AMIGO1: variants seen among roughly 807,000 people sequenced by gnomAD.
AMIGO1 encodes adhesion molecule with Ig like domain 1.
For synonymous variants in AMIGO1, 249 were observed against 266.3 expected (o/e 0.93, Z 0.63); for missense variants, 361 against 612.3 (o/e 0.59, Z 4.33).
chr1:109,508,948 A>G lies in AMIGO1; in HGVS notation c.-36T>C. 6.7e-7 allele frequency: 1 copy of G among 1,487,088 alleles called. No individual in the cohort carries two copies. The highest frequency in any genetic ancestry group is 8.9e-7 in the Non-Finnish European group (1 of 1,117,824). 92.1% of individuals were successfully genotyped at this position (1,487,088 alleles called of 1,614,324 possible). A position where few individuals can be genotyped will look rare whatever the true frequency, so the allele number is the denominator to read the frequency against. On this transcript the variant is annotated 5_prime_UTR_variant, in exon 2 of 2. Transcript: ENST00000369864. This position sits in a 1 kb window ranked among gnomAD's most constrained non-coding sequence, Gnocchi z 7.8. The stretch of plus-strand genomic sequence containing the variant: ...GAGTGGGCGAGGAAGGCCACAAGGA[A>G]GATCTGGGAGGAGGTCACCCGGGCA...
Position 109,507,924 on chromosome 1 carries a change from T to C in AMIGO1, c.989A>G (p.Gln330Arg), listed in dbSNP as rs1220781938. Reference sequence around the variant, plus strand: ...CACACCACCGTCCTCGACCTGCACCTGCTGGAAAAGAAGACTGCCATCCTT... The same window carrying C: ...CACACCACCGTCCTCGACCTGCACCCGCTGGAAAAGAAGACTGCCATCCTT... ...VSKDGSLLFQ[Q>R]VQVEDGGVYT... Residue 330 changes from glutamine to arginine, a missense_variant, in exon 2 of 2, where the codon CAG (glutamine) becomes CGG (arginine). Physicochemically the swap from Gln to Arg is conservative, Grantham distance 43. Coordinates refer to ENST00000369864, the MANE Select transcript of AMIGO1 (RefSeq NM_020703.4). The surrounding 1 kb of genome is among the most constrained non-coding windows in gnomAD (Gnocchi z 4.7). 2 of 1,614,196 alleles carry C rather than the reference T, an allele frequency of 1.2e-6. No homozygotes were observed. Among genetic ancestry groups the C allele is most frequent in the Non-Finnish European group, 8.5e-7 (1 of 1,180,026 alleles).
rs763051198 is a variant in AMIGO1 at position 109,508,093 on chromosome 1, T to G, written c.820A>C (p.Lys274Gln). The G allele has an allele frequency of 6.2e-7, 1 of 1,614,198 alleles. No homozygotes were observed. The highest frequency in any genetic ancestry group is 2.2e-5 in the East Asian group (1 of 44,878). ...NLSFLNCGEY[K>Q]ERAWEAHLGD... is the part of the protein sequence containing the mutation. The stretch of plus-strand genomic sequence containing the variant: ...AGGTGGGCCTCCCAGGCACGCTCCT[T>G]GTACTCGCCACAGTTGAGGAAACTC... Residue 274 changes from lysine (K) to glutamine (Q), a missense_variant, in exon 2 of 2, where the codon AAG (lysine) becomes CAG (glutamine). By Grantham distance (53) the Lys-to-Gln change is moderately conservative (BLOSUM62 1). Coordinates refer to ENST00000369864, the MANE Select transcript of AMIGO1 (RefSeq NM_020703.4). This position sits in a 1 kb window ranked among gnomAD's most constrained non-coding sequence, Gnocchi z 7.8.
At position 109,508,793 on chromosome 1, in the gene AMIGO1, G is replaced by A. The variant is rs147744049; in HGVS notation, c.120C>T (p.Cys40=). Residue 40 remains cysteine, a synonymous_variant, in exon 2 of 2, where the codon TGC becomes TGT. Transcript: ENST00000369864. The surrounding 1 kb of genome is among the most constrained non-coding windows in gnomAD (Gnocchi z 7.8). ...TGGAGCAGCTGAGGATGTTGCTGGC[G>A]CACAAGCAGGCGGCAGGACAGCTAA... ...AVVSCPAACL[C]ASNILSCSKQ... The A allele has an allele frequency of 1.7e-4, 273 of 1,613,990 alleles. No individual in the cohort carries two copies. The African/African-American group carries it at 3.3e-3, about 19-fold the overall frequency.
In AMIGO1 at chr1:109,507,315, T is replaced by C. The variant is rs1285862921; in HGVS notation, c.*116A>G. 1 of 1,419,478 alleles carries C rather than the reference T, an allele frequency of 7.0e-7. No individual in the cohort carries two copies. The highest frequency in any genetic ancestry group is 1.4e-5 in the African/African-American group (1 of 69,486). The allele number at this position is 1,419,478 out of a possible 1,614,324, so 87.9% of individuals were successfully genotyped here. On this transcript the variant is annotated 3_prime_UTR_variant, in exon 2 of 2. Coordinates refer to ENST00000369864, the MANE Select transcript of AMIGO1 (RefSeq NM_020703.4). This position sits in a 1 kb window ranked among gnomAD's most constrained non-coding sequence, Gnocchi z 4.7. ...TCTGTTGTACCTGGGACCAATTCCC[T>C]TGAGGTCAGGAGGAATCCATTCCCT...
Position 109,506,971 on chromosome 1 carries a change from C to G in AMIGO1, c.*460G>C, listed in dbSNP as rs950449110. 1 of 157,984 alleles carries G rather than the reference C, an allele frequency of 6.3e-6. No homozygotes were observed. Among genetic ancestry groups the G allele is most frequent in the African/African-American group, 2.4e-5 (1 of 41,518 alleles). 9.8% of individuals were successfully genotyped at this position (157,984 alleles called of 1,614,324 possible). On this transcript the variant is annotated 3_prime_UTR_variant, in exon 2 of 2. Transcript: ENST00000369864. Reference sequence around the variant, plus strand: ...TTTGACTTGCTAAACAAAGAAGATACTACAGCTTTTCCCCAGTGTGGCTCC... The same window carrying G: ...TTTGACTTGCTAAACAAAGAAGATAGTACAGCTTTTCCCCAGTGTGGCTCC...
rs2101061251 is a variant in AMIGO1, at chr1:109,509,456, C to A, written c.-124G>T. On this transcript the variant is annotated 5_prime_UTR_variant, in exon 1 of 2. Transcript: ENST00000369864. ...GGACGTGTCTCAGCCCATGGCCGGT[C>A]TGGGAGCTCCGTCGCGGCCTCTCCC... 6.5e-6 allele frequency: 1 copy of A among 152,722 alleles called. No individual in the cohort carries two copies. The highest frequency in any genetic ancestry group is 1.5e-5 in the Non-Finnish European group (1 of 68,302). 9.5% of individuals were successfully genotyped at this position (152,722 alleles called of 1,614,324 possible).
In AMIGO1 at chr1:109,505,510, G is replaced by A. The variant is rs958244196; in HGVS notation, c.*1921C>T. On this transcript the variant is annotated 3_prime_UTR_variant, in exon 2 of 2. Coordinates refer to ENST00000369864, the MANE Select transcript of AMIGO1 (RefSeq NM_020703.4). ...TGTCCTGGTGGAAGTCAAGGTGCTG[G>A]TGTGCATGCATACCTATAAGCATGC... 3 of 152,160 alleles carry A rather than the reference G, an allele frequency of 2.0e-5. No individual in the cohort carries two copies. The highest frequency in any genetic ancestry group is 4.4e-5 in the Non-Finnish European group (3 of 68,026). The allele number at this position is 152,160 out of a possible 1,614,324, so 9.4% of individuals were successfully genotyped here.
chr1:109,504,869 G>A lies in AMIGO1; in HGVS notation c.*2562C>T, dbSNP rs1311378516. 2 of 152,088 alleles carry A rather than the reference G, an allele frequency of 1.3e-5. No individual in the cohort carries two copies. The highest frequency in any genetic ancestry group is 1.5e-5 in the Non-Finnish European group (1 of 68,024). 9.4% of individuals were successfully genotyped at this position (152,088 alleles called of 1,614,324 possible). A position where few individuals can be genotyped will look rare whatever the true frequency, so the allele number is the denominator to read the frequency against. ...TCCCAGTCCTCAGGAGCTCCATCAC[G>A]ATGCCCCAGAAGGCCTGCTTCATTT... On this transcript the variant is annotated 3_prime_UTR_variant, in exon 2 of 2. Transcript: ENST00000369864.
chr1:109,507,270 C>G lies in AMIGO1; in HGVS notation c.*161G>C. On this transcript the variant is annotated 3_prime_UTR_variant, in exon 2 of 2. Transcript: ENST00000369864. This position sits in a 1 kb window ranked among gnomAD's most constrained non-coding sequence, Gnocchi z 4.7. ...CCATTTGAAAATCGTGGCAGCCACG[C>G]CCTGTTTGGGGTCTTGCTCTCTGTT... 1.0e-6 allele frequency: 1 copy of G among 996,172 alleles called. No individual in the cohort carries two copies. Among genetic ancestry groups the G allele is most frequent in the Non-Finnish European group, 1.4e-6 (1 of 690,300 alleles). The allele number at this position is 996,172 out of a possible 1,614,324, so 61.7% of individuals were successfully genotyped here.
chr1:109,507,718 A>G lies in AMIGO1; in HGVS notation c.1195T>C (p.Trp399Arg), dbSNP rs1399747783. 6.8e-6 allele frequency: 11 copies of G among 1,614,048 alleles called. No individual in the cohort carries two copies. Among genetic ancestry groups the G allele is most frequent in the African/African-American group, 5.3e-5 (4 of 74,916 alleles). The change falls in exon 2 of 2, where the codon TGG becomes CGG. Residue 399 changes from tryptophan (W) to arginine (R), a missense_variant. Coordinates refer to ENST00000369864, the MANE Select transcript of AMIGO1 (RefSeq NM_020703.4). The surrounding 1 kb of genome is among the most constrained non-coding windows in gnomAD (Gnocchi z 4.7). ...GAAGGCTTCTCTACACCCCGGCACC[A>G]GCAGCGGCAAGGGGTGAGGTATAGG... is the stretch of plus-strand genomic sequence containing the variant. Reference protein sequence around the residue: ...IYLYLTPCRCWCRGVEKPSSH... With the variant: ...IYLYLTPCRCRCRGVEKPSSH...
rs779329833 is a variant in AMIGO1 at position 109,508,830 on chromosome 1, C to T, written c.83G>A (p.Gly28Asp). ...GGCAGGACAGCTAACCACGGCTCGG[C>T]CAGCTCTGGCCACCTCAAAAAGCAG... The part of the protein sequence containing the change: ...SLLLFEVARA[G>D]RAVVSCPAAC... The change falls in exon 2 of 2, where the codon GGC becomes GAC. Residue 28 changes from glycine (G) to aspartate (D), a missense_variant. Gly to Asp is a moderately conservative substitution (Grantham distance 94). Coordinates refer to ENST00000369864, the MANE Select transcript of AMIGO1 (RefSeq NM_020703.4). This position sits in a 1 kb window ranked among gnomAD's most constrained non-coding sequence, Gnocchi z 7.8. 8 of 1,613,046 alleles carry T rather than the reference C, an allele frequency of 5.0e-6. No homozygotes were observed. The highest frequency in any genetic ancestry group is 6.8e-6 in the Non-Finnish European group (8 of 1,179,582).
At position 109,508,718 on chromosome 1, in the gene AMIGO1, T is replaced by C. The variant is rs201130937; in HGVS notation, c.195A>G (p.Leu65=). ...VPHSLPSYTA[L]LDLSHNNLSR... ...TCAGGTTGTTGTGACTGAGGTCCAG[T>C]AGTGCTGTGTAACTGGGCAAGGAAT... The change falls in exon 2 of 2, where the codon CTA becomes CTG. Residue 65 remains leucine, a synonymous_variant. Coordinates refer to ENST00000369864, the MANE Select transcript of AMIGO1 (RefSeq NM_020703.4). This position sits in a 1 kb window ranked among gnomAD's most constrained non-coding sequence, Gnocchi z 7.8. The C allele has an allele frequency of 1.5e-4, 239 of 1,614,012 alleles. 1 individual carries two copies. In the Admixed American group the frequency reaches 3.8e-3, roughly 26 times the overall value.
Position 109,509,109 on chromosome 1 carries a change from G to C in AMIGO1, c.-87-110C>G. The C allele has an allele frequency of 2.4e-5, 15 of 636,420 alleles. 1 individual carries two copies. The South Asian group carries it at 3.1e-4, about 13-fold the overall frequency. The allele number at this position is 636,420 out of a possible 1,614,324, so 39.4% of individuals were successfully genotyped here. ...TCCACCCCCTTTGGGCTAGGAGAGAGAGATGCTGGGTAGTTTCCAGGCACT... is the reference window on the plus strand; with the variant it reads ...TCCACCCCCTTTGGGCTAGGAGAGACAGATGCTGGGTAGTTTCCAGGCACT... On this transcript the variant is annotated intron_variant, in intron 1 of 1. Coordinates refer to ENST00000369864, the MANE Select transcript of AMIGO1 (RefSeq NM_020703.4).
Position 109,508,562 on chromosome 1 carries a change from G to A in AMIGO1, c.351C>T (p.Leu117=). ...SPVPNLRYLD[L]SSNQLRTLDE... Reference sequence around the variant, plus strand: ...CCAGTGTACGCAGCTGGTTGGAGGAGAGGTCCAGGTAGCGCAGGTTGGGTA... The same window carrying A: ...CCAGTGTACGCAGCTGGTTGGAGGAAAGGTCCAGGTAGCGCAGGTTGGGTA... Residue 117 remains leucine (L), a synonymous_variant, in exon 2 of 2, where the codon CTC becomes CTT. Transcript: ENST00000369864. This position sits in a 1 kb window ranked among gnomAD's most constrained non-coding sequence, Gnocchi z 7.8. The A allele has an allele frequency of 1.9e-6, 3 of 1,614,194 alleles. No homozygotes were observed. Among genetic ancestry groups the A allele is most frequent in the South Asian group, 2.2e-5 (2 of 91,086 alleles).
Position 109,504,717 on chromosome 1 carries a change from C to G in AMIGO1, c.*2714G>C, listed in dbSNP as rs956825782. On this transcript the variant is annotated 3_prime_UTR_variant, in exon 2 of 2. Coordinates refer to ENST00000369864, the MANE Select transcript of AMIGO1 (RefSeq NM_020703.4). Reference sequence around the variant, plus strand: ...AAACAAATCAAATCTCTTGGTAGGGCAGCCAGGTACATCTACCAGGTGTCT... The same window carrying G: ...AAACAAATCAAATCTCTTGGTAGGGGAGCCAGGTACATCTACCAGGTGTCT... 2.6e-5 allele frequency: 4 copies of G among 152,170 alleles called. No individual in the cohort carries two copies. Among genetic ancestry groups the G allele is most frequent in the African/African-American group, 9.7e-5 (4 of 41,430 alleles). 9.4% of individuals were successfully genotyped at this position (152,170 alleles called of 1,614,324 possible). A position where few individuals can be genotyped will look rare whatever the true frequency, so the allele number is the denominator to read the frequency against.
Position 109,507,911 on chromosome 1 carries a change from C to G in AMIGO1, c.1002G>C (p.Glu334Asp), listed in dbSNP as rs1325488929. ...CATAGCAGGTATACACACCACCGTC[C>G]TCGACCTGCACCTGCTGGAAAAGAA... ...GSLLFQQVQV[E>D]DGGVYTCYAM... The change falls in exon 2 of 2, where the codon GAG becomes GAC. Residue 334 changes from glutamate (E) to aspartate (D), a missense_variant. By Grantham distance (45) the Glu-to-Asp change is conservative (BLOSUM62 2). Coordinates refer to ENST00000369864, the MANE Select transcript of AMIGO1 (RefSeq NM_020703.4). This position sits in a 1 kb window ranked among gnomAD's most constrained non-coding sequence, Gnocchi z 4.7. 1 of 1,614,172 alleles carries G rather than the reference C, an allele frequency of 6.2e-7. No homozygotes were observed. The highest frequency in any genetic ancestry group is 1.1e-5 in the South Asian group (1 of 91,080).
At position 109,507,680 on chromosome 1, in the gene AMIGO1, T is replaced by A; in HGVS notation, c.1233A>T (p.Gly411=). ...RGVEKPSSHQ[G]DSLSSSMLST... ...TAAGCATGGAAGAGCTGAGGCTGTCTCCTTGATGGCTGGAAGGCTTCTCTA... is the reference window on the plus strand; with the variant it reads ...TAAGCATGGAAGAGCTGAGGCTGTCACCTTGATGGCTGGAAGGCTTCTCTA... Residue 411 remains glycine (G), a synonymous_variant, in exon 2 of 2, where the codon GGA becomes GGT. Transcript: ENST00000369864. The surrounding 1 kb of genome is among the most constrained non-coding windows in gnomAD (Gnocchi z 4.7). The A allele has an allele frequency of 6.2e-7, 1 of 1,614,084 alleles. No individual in the cohort carries two copies. Among genetic ancestry groups the A allele is most frequent in the Non-Finnish European group, 8.5e-7 (1 of 1,180,008 alleles).
chr1:109,507,240 T>G lies in AMIGO1; in HGVS notation c.*191A>C. 1 of 666,240 alleles carries G rather than the reference T, an allele frequency of 1.5e-6. No homozygotes were observed. The highest frequency in any genetic ancestry group is 2.5e-6 in the Non-Finnish European group (1 of 403,468). 41.3% of individuals were successfully genotyped at this position (666,240 alleles called of 1,614,324 possible). Reference sequence around the variant, plus strand: ...TGTAGCATTTGCCTGAGGATTAATATACCCCCATTTGAAAATCGTGGCAGC... The same window carrying G: ...TGTAGCATTTGCCTGAGGATTAATAGACCCCCATTTGAAAATCGTGGCAGC... On this transcript the variant is annotated 3_prime_UTR_variant, in exon 2 of 2. Coordinates refer to ENST00000369864, the MANE Select transcript of AMIGO1 (RefSeq NM_020703.4). The surrounding 1 kb of genome is among the most constrained non-coding windows in gnomAD (Gnocchi z 4.7).
chr1:109,507,462 G>A lies in AMIGO1; in HGVS notation c.1451C>T (p.Ser484Leu). Residue 484 changes from serine (S) to leucine (L), a missense_variant, in exon 2 of 2, where the codon TCG (serine) becomes TTG (leucine). Physicochemically the swap from Ser to Leu is moderately radical, Grantham distance 145. Coordinates refer to ENST00000369864, the MANE Select transcript of AMIGO1 (RefSeq NM_020703.4). This position sits in a 1 kb window ranked among gnomAD's most constrained non-coding sequence, Gnocchi z 4.7. The stretch of plus-strand genomic sequence containing the variant: ...CACAATGGGCGTATCAGAGAAGACC[G>A]AGCTGACTGATTCTGGATCCGACAT... ...RRMSDPESVSSVFSDTPIVV is the reference protein window; with the variant it reads ...RRMSDPESVSLVFSDTPIVV 1 of 1,611,538 alleles carries A rather than the reference G, an allele frequency of 6.2e-7. No individual in the cohort carries two copies. Among genetic ancestry groups the A allele is most frequent in the Non-Finnish European group, 8.5e-7 (1 of 1,178,348 alleles).
Sources: gnomAD v4.1 joint callset for allele counts on GRCh38, gnomAD v4.1.1 for gene constraint, Gnocchi (gnomAD v3.1) non-coding constraint, MANE v1.5 for transcripts, NCBI Gene and HGNC (gene_info 2026-07-23, HGNC 2026-07-21) for gene names.